Variants in SLC6A11 observed in about 807,000 individuals in gnomAD.
SLC6A11 encodes sodium- and chloride-dependent GABA transporter 3.
In SLC6A11, 25 loss-of-function variants were observed where a neutral mutation model predicts 74.8. The ratio of observed to expected loss-of-function variants is 0.33; its 90% CI spans 0.24 to 0.47. The LOEUF (loss-of-function observed/expected upper bound fraction) is 0.47, where lower values mean the gene tolerates loss of function less well. SLC6A11 is among the 20% of genes least tolerant of loss of function. The pLI is 1.00. For missense variants in SLC6A11, 574 were observed against 837.0 expected, an observed-to-expected ratio of 0.69 and a Z score of 3.88; for synonymous variants, 330 against 330.2, an observed-to-expected ratio of 1.00 and a Z score of 0.01.
chr3:10,858,399 A>C (rs1694663243), intron 5 of SLC6A11, among the ~76,000 whole-genome samples: 1 of 152,226 alleles, frequency 6.6e-6, no homozygotes, highest in African/African-American at 2.4e-5. Flanking sequence ...AATCTTGAGA[A>C]GCAGGAGAGT....
At chr3:10,925,726 T>C (rs1251985133) in intron 8 of SLC6A11, among the ~76,000 whole-genome samples, 2 of 152,172 alleles carry the variant, frequency 1.3e-5, no homozygotes, top group Non-Finnish European at 2.9e-5. Flanking sequence ...AGTAGAGACA[T>C]GTCCAGAGGA....
rs1410142243 is a variant in SLC6A11 at position 10,819,556 on chromosome 3, A to G, written c.348A>G (p.Glu116=). 1 of 1,614,052 alleles carries G rather than the reference A, an allele frequency of 6.2e-7. No homozygotes were observed. Among genetic ancestry groups the G allele is most frequent in the Non-Finnish European group, 8.5e-7 (1 of 1,180,030 alleles). Residue 116 remains glutamate (E), a synonymous_variant, in exon 2 of 14, where the codon GAA becomes GAG. Transcript: ENST00000254488. ...LETALGQFTS[E]GGITCWRKVC... is the part of the protein sequence containing the mutation. The stretch of plus-strand genomic sequence containing the variant: ...CAGCTCTGGGGCAGTTCACAAGTGA[A>G]GGTGGCATTACGTGTTGGAGGAAAG...
At position 10,938,369 on chromosome 3, in the gene SLC6A11, C is replaced by T. The variant is rs563511114; in HGVS notation, c.1866C>T (p.Ile622=). The change falls in exon 14 of 14, where the codon ATC becomes ATT. Residue 622 remains isoleucine (I), a synonymous_variant. Transcript: ENST00000254488. ...CDAKLKSDGT[I]AAITEKETHF is the part of the protein sequence containing the mutation. ...CCAAACTCAAGAGTGACGGGACCAT[C>T]GCAGCCATCACAGAGAAGGAGACGC... The T allele has an allele frequency of 3.2e-5, 51 of 1,609,764 alleles. No homozygotes were observed. Among genetic ancestry groups the T allele is most frequent in the East Asian group, 2.7e-4 (12 of 44,792 alleles).
chr3:10,925,656 C>T (rs17033655), intron 8 of SLC6A11, among the ~76,000 whole-genome samples: 16,031 of 152,166 alleles, frequency 0.11, 952 homozygotes, highest in South Asian at 0.16. Flanking sequence ...GAGTCAGAAT[C>T]GCTGGGTAGG....
At chr3:10,917,932 A>G (rs1307770331) in intron 7 of SLC6A11, among the ~76,000 whole-genome samples, 2 of 152,154 alleles carry the variant, frequency 1.3e-5, no homozygotes. Flanking sequence ...CATTTCTCCC[A>G]TGGAGGCTTC....
intron 4 of SLC6A11, among the ~76,000 whole-genome samples, chr3:10,834,495 G>C (rs546396214): frequency 6.6e-6 from 1 of 152,222 alleles, no homozygotes; most frequent in Non-Finnish European, 1.5e-5. Flanking sequence ...GTCCTTCCTG[G>C]GTTTCAGAAG....
chr3:10,880,151 C>T (rs558577283), intron 6 of SLC6A11, among the ~76,000 whole-genome samples: 1 of 152,172 alleles, frequency 6.6e-6, no homozygotes, highest in Non-Finnish European at 1.5e-5. Flanking sequence ...TGAGGCACAG[C>T]TCCCAAAGTT....
At chr3:10,832,285 T>C (rs546032758) in intron 4 of SLC6A11, among the ~76,000 whole-genome samples, 63 of 152,272 alleles carry the variant, frequency 4.1e-4, no homozygotes, top group Admixed American at 4.1e-3. Context: ...GGGCCATTGT[T>C]ACTCCTCCCC....
rs1332605036 is a variant in SLC6A11 at position 10,938,267 on chromosome 3, G to A, written c.1764G>A (p.Thr588=). Residue 588 remains threonine (T), a synonymous_variant, in exon 14 of 14, where the codon ACG becomes ACA. Coordinates refer to ENST00000254488, the MANE Select transcript of SLC6A11 (RefSeq NM_014229.3). ...GTLPEKLQKL[T]TPSTDLKMRG... is the part of the protein sequence containing the mutation. Reference sequence around the variant, plus strand: ...CCATCCAGAAACTCCAGAAGTTGACGACCCCCAGCACAGATCTGAAAATGC... The same window carrying A: ...CCATCCAGAAACTCCAGAAGTTGACAACCCCCAGCACAGATCTGAAAATGC... The A allele has an allele frequency of 8.8e-6, 14 of 1,590,604 alleles. No individual in the cohort carries two copies. The highest frequency in any genetic ancestry group is 2.3e-5 in the East Asian group (1 of 44,414).
rs1695791024 is a variant in SLC6A11 at position 10,938,921 on chromosome 3, A to C, written c.*519A>C. The C allele has an allele frequency of 6.6e-6, 1 of 152,256 alleles. No individual in the cohort carries two copies. Among genetic ancestry groups the C allele is most frequent in the African/African-American group, 2.4e-5 (1 of 41,434 alleles). The allele number at this position is 152,256 out of a possible 1,614,324, so 9.4% of individuals were successfully genotyped here. On this transcript the variant is annotated 3_prime_UTR_variant, in exon 14 of 14. Transcript: ENST00000254488. ...CAAGGCTATGTGGCAGAGAAGAAAA[A>C]GTCCAGCAGACTCAGGACTCCTGGG...
chr3:10,849,863 T>C (rs986076188), intron 5 of SLC6A11, among the ~76,000 whole-genome samples: 1 of 149,686 alleles, frequency 6.7e-6, no homozygotes, highest in Admixed American at 6.7e-5. Context: ...CCTTCTCTTG[T>C]GGTTTTGGTA....
rs78605794 is a variant in SLC6A11, at chr3:10,933,240, C to T, written c.1461C>T (p.Ile487=). 5,323 of 1,613,202 alleles carry T rather than the reference C, an allele frequency of 3.3e-3. 164 individuals are homozygous for T. The African/African-American group carries it at 0.058, about 18-fold the overall frequency. ...LFVAIFECIC[I]GWVYGSNRFY... Reference sequence around the variant, plus strand: ...TGGCCATCTTTGAGTGCATCTGCATCGGCTGGGTGTATGGTGAGTAGCAGC... The same window carrying T: ...TGGCCATCTTTGAGTGCATCTGCATTGGCTGGGTGTATGGTGAGTAGCAGC... The change falls in exon 11 of 14, where the codon ATC becomes ATT. Residue 487 remains isoleucine (I), a synonymous_variant. Coordinates refer to ENST00000254488, the MANE Select transcript of SLC6A11 (RefSeq NM_014229.3).
intron 5 of SLC6A11, among the ~76,000 whole-genome samples, chr3:10,849,794 CAAAAAAAAAAAAAAAA>C (rs56099322): frequency 0.2 from 18,010 of 88,042 alleles, 1,679 homozygotes; most frequent in African/African-American, 0.32. Context: ...TTGTTGAAGC[CAAAAAAAAAAAAAAAA>C]AAAAAAAAAA....
At chr3:10,891,927 T>C (rs147280848) in intron 6 of SLC6A11, among the ~76,000 whole-genome samples, 123 of 152,320 alleles carry the variant, frequency 8.1e-4, no homozygotes, top group Non-Finnish European at 1.6e-3. Context: ...AAGCATCAAA[T>C]AGGCAGATGT....
chr3:10,826,098 T>C (rs917979798), intron 4 of SLC6A11, among the ~76,000 whole-genome samples: 3 of 152,266 alleles, frequency 2.0e-5, no homozygotes, highest in Non-Finnish European at 4.4e-5. Context: ...ATAGGTTAGT[T>C]TGAGAGAATT....
chr3:10,918,142 G>A lies in SLC6A11; in HGVS notation c.996-187G>A, dbSNP rs982052636. ...ACCTTCTAGAAATTCAGGAGAAGCT[G>A]TGTGACCATGGGCCAGCCACCTAAC... On this transcript the variant is annotated intron_variant, in intron 7 of 13. Coordinates refer to ENST00000254488, the MANE Select transcript of SLC6A11 (RefSeq NM_014229.3). This position sits in a 1 kb window ranked among gnomAD's most constrained non-coding sequence, Gnocchi z 4.5. 6.6e-6 allele frequency among the ~76,000 whole-genome samples: 1 copy of A among 152,194 alleles called. No individual in the cohort carries two copies. The highest frequency in any genetic ancestry group is 1.5e-5 in the Non-Finnish European group (1 of 68,040).
At chr3:10,873,966 T>C (rs6783225) in intron 5 of SLC6A11, among the ~76,000 whole-genome samples, 5,609 of 130,026 alleles carry the variant, frequency 0.043, 139 homozygotes, top group Middle Eastern at 0.071. Context: ...TGCTACGCTA[T>C]GCTATGCTAC....
intron 3 of SLC6A11, among the ~76,000 whole-genome samples, chr3:10,821,576 TG>T (rs1286743080): frequency 1.3e-5 from 2 of 152,222 alleles, no homozygotes; most frequent in Non-Finnish European, 2.9e-5. Flanking sequence ...ATTTTTCTGT[TG>T]GGAAAGCAAT....
At chr3:10,934,410 C>T (rs904598224) in intron 12 of SLC6A11, among the ~76,000 whole-genome samples, 3 of 152,158 alleles carry the variant, frequency 2.0e-5, no homozygotes, top group East Asian at 1.9e-4. Flanking sequence ...CTTCTCAGGA[C>T]GTCAGGTGCT....
Sources: gnomAD v4.1 joint callset for allele counts (sites outside exome capture counted in the v4.1 genomes callset) on GRCh38, gnomAD v4.1.1 for gene constraint, Gnocchi (gnomAD v3.1) non-coding constraint, MANE v1.5 for transcripts, NCBI Gene and HGNC (gene_info 2026-07-23, HGNC 2026-07-21) for gene names.